KIF26A: variants seen among roughly 807,000 people sequenced by gnomAD.
KIF26A encodes kinesin family member 26A, also known as kinesin-like protein KIF26A.
In KIF26A, 74 loss-of-function variants were observed where a neutral mutation model predicts 126.0. The observed-to-expected ratio is 0.59, with a 90% CI of 0.49 to 0.71. KIF26A has a LOEUF of 0.71. KIF26A is among the 30% of genes least tolerant of loss of function. KIF26A has a pLI of 0.00. For missense variants in KIF26A, 2,984 were observed against 2,763.3 expected, an observed-to-expected ratio of 1.08 and a Z score of -1.79; for synonymous variants, 1,445 against 1,232.7, an observed-to-expected ratio of 1.17 and a Z score of -3.61.
intron 2 of KIF26A, among the ~76,000 whole-genome samples, chr14:104,141,128 C>T (rs1469919595): frequency 1.3e-5 from 2 of 152,232 alleles, no homozygotes; most frequent in Non-Finnish European, 2.9e-5. Context: ...GCCTGCAGCC[C>T]TGGCCTGGCC....
chr14:104,143,440 C>T (rs2037654598), intron 2 of KIF26A, among the ~76,000 whole-genome samples: 1 of 152,198 alleles, frequency 6.6e-6, no homozygotes, highest in African/African-American at 2.4e-5. Context: ...CCTGTTGCCT[C>T]TCTGGTTTGA....
intron 2 of KIF26A, among the ~76,000 whole-genome samples, chr14:104,146,280 C>T (rs2037680070): frequency 6.6e-6 from 1 of 152,122 alleles, no homozygotes; most frequent in Non-Finnish European, 1.5e-5. Context: ...GCCAGGGGCC[C>T]AGCTTGCCTG....
chr14:104,153,889 C>A (rs2037753676), intron 3 of KIF26A, among the ~76,000 whole-genome samples: 1 of 151,892 alleles, frequency 6.6e-6, no homozygotes, highest in Non-Finnish European at 1.5e-5. Context: ...AGGCCCCTTG[C>A]TGGGCAGCCC....
intron 4 of KIF26A, among the ~76,000 whole-genome samples, chr14:104,159,573 G>A (rs1040046903): frequency 6.6e-6 from 1 of 152,228 alleles, no homozygotes; most frequent in Non-Finnish European, 1.5e-5. Context: ...GGCCGGTGCC[G>A]CTTGCCAGCC....
intron 3 of KIF26A, among the ~76,000 whole-genome samples, 181 bp from the exon 4 acceptor site, chr14:104,157,574 C>T (rs530215740): frequency 2.8e-4 from 43 of 152,294 alleles, no homozygotes; most frequent in Admixed American, 1.0e-3. Flanking sequence ...CCACTGGCCT[C>T]TCTGCCAGCC....
At chr14:104,156,830 A>G (rs1422142507) in intron 3 of KIF26A, among the ~76,000 whole-genome samples, 1 of 152,210 alleles carries the variant, frequency 6.6e-6, no homozygotes, top group Non-Finnish European at 1.5e-5. Flanking sequence ...CGGGGACCCC[A>G]GTCCTCTGCT....
chr14:104,142,917 G>C (rs960014061), intron 2 of KIF26A, among the ~76,000 whole-genome samples: 8 of 152,116 alleles, frequency 5.3e-5, no homozygotes, highest in African/African-American at 1.9e-4. Context: ...CCGGCTATCC[G>C]CCCCTCAAAA....
intron 2 of KIF26A, among the ~76,000 whole-genome samples, chr14:104,142,337 T>C (rs2037645095): frequency 6.6e-6 from 1 of 151,602 alleles, no homozygotes; most frequent in Non-Finnish European, 1.5e-5. Flanking sequence ...CTCCTCACTG[T>C]GTCCCCACAC....
At position 104,139,301 on chromosome 14, in the gene KIF26A, TC is replaced by T; in HGVS notation, c.288+15del. 2 of 1,469,468 alleles carry T rather than the reference TC, an allele frequency of 1.4e-6. No individual in the cohort carries two copies. The highest frequency in any genetic ancestry group is 2.8e-5 in the South Asian group (2 of 72,702). The allele number at this position is 1,469,468 out of a possible 1,614,324, so 91.0% of individuals were successfully genotyped here. On this transcript the variant is annotated intron_variant, in intron 2 of 14. Coordinates refer to ENST00000423312, the MANE Select transcript of KIF26A (RefSeq NM_015656.2). ...GACCACCCTCCGGGTAAGTGACACTTCCTTAGGCCGACCCCTCCGAGCAGGG... is the reference window on the plus strand; with the variant it reads ...GACCACCCTCCGGGTAAGTGACACTTCTTAGGCCGACCCCTCCGAGCAGGG...
At chr14:104,169,758 G>T (rs891018218) in intron 5 of KIF26A, among the ~76,000 whole-genome samples, 6 of 152,228 alleles carry the variant, frequency 3.9e-5, no homozygotes, top group Non-Finnish European at 8.8e-5. Context: ...CCCTGCCTGG[G>T]CTACCTCTTC....
chr14:104,178,808 G>T (rs529333238), intron 13 of KIF26A, 53 bp downstream of exon 13: 3 of 1,064,018 alleles, frequency 2.8e-6, no homozygotes, highest in Non-Finnish European at 4.0e-6. Flanking sequence ...AGCCTGCCGC[G>T]GATGGCAGAG....
intron 3 of KIF26A, among the ~76,000 whole-genome samples, chr14:104,156,903 G>A (rs569010231): frequency 7.2e-5 from 11 of 152,282 alleles, no homozygotes; most frequent in Admixed American, 1.3e-4. Context: ...GCCGAATGAC[G>A]CTTGGCACCT....
rs1232588034 is a variant in KIF26A at position 104,174,215 on chromosome 14, G to A, written c.2098G>A (p.Ala700Thr). The A allele has an allele frequency of 6.9e-6, 11 of 1,584,268 alleles. No individual in the cohort carries two copies. In the Admixed American group the frequency reaches 1.4e-4, roughly 21 times the overall value. ...ATAGCRTTMI[A>T]HVSDAPAQHA... Reference sequence around the variant, plus strand: ...CGCTGGCTGCCGCACCACCATGATCGCCCACGTGTCGGATGCGCCAGCCCA... The same window carrying A: ...CGCTGGCTGCCGCACCACCATGATCACCCACGTGTCGGATGCGCCAGCCCA... Residue 700 changes from alanine to threonine, a missense_variant, in exon 11 of 15, where the codon GCC becomes ACC. Ala to Thr is a moderately conservative substitution (Grantham distance 58). Coordinates refer to ENST00000423312, the MANE Select transcript of KIF26A (RefSeq NM_015656.2).
Position 104,179,949 on chromosome 14 carries a change from C to T in KIF26A, c.*159C>T, listed in dbSNP as rs1419630201. On this transcript the variant is annotated 3_prime_UTR_variant, in exon 15 of 15. Transcript: ENST00000423312. Reference sequence around the variant, plus strand: ...GAGACGGAGTGTGGGGGAGGGAGGGCCGGCCACGCGGTGGACAGAGCGAGG... The same window carrying T: ...GAGACGGAGTGTGGGGGAGGGAGGGTCGGCCACGCGGTGGACAGAGCGAGG... 3.9e-6 allele frequency: 3 copies of T among 777,228 alleles called. No homozygotes were observed. Among genetic ancestry groups the T allele is most frequent in the Non-Finnish European group, 5.9e-6 (3 of 512,088 alleles). 48.1% of individuals were successfully genotyped at this position (777,228 alleles called of 1,614,324 possible). A position where few individuals can be genotyped will look rare whatever the true frequency, so the allele number is the denominator to read the frequency against.
At chr14:104,171,433 G>C (rs1009450596) in intron 5 of KIF26A, among the ~76,000 whole-genome samples, 1 of 152,114 alleles carries the variant, frequency 6.6e-6, no homozygotes, top group African/African-American at 2.4e-5. Flanking sequence ...CTCTTCTCAC[G>C]GAGGCGCCCG....
intron 2 of KIF26A, among the ~76,000 whole-genome samples, chr14:104,143,386 C>G (rs2037654037): frequency 6.6e-6 from 1 of 152,224 alleles, no homozygotes; most frequent in Non-Finnish European, 1.5e-5. Flanking sequence ...CTTGGCGAGT[C>G]CTGTTTCTCC....
At chr14:104,139,433 G>T in intron 2 of KIF26A, 145 bp downstream of exon 2, 1 of 1,101,168 alleles carries the variant, frequency 9.1e-7, no homozygotes, top group Non-Finnish European at 1.2e-6. Flanking sequence ...TCCCTTCTGC[G>T]GGCCTCAGTT....
At chr14:104,166,830 C>G in intron 4 of KIF26A, 29 bp from the exon 5 acceptor site, 1 of 1,523,058 alleles carries the variant, frequency 6.6e-7, no homozygotes, top group Non-Finnish European at 8.9e-7. Context: ...TCACCCACCA[C>G]TGATCCTGCC....
intron 3 of KIF26A, among the ~76,000 whole-genome samples, chr14:104,157,154 TC>T (rs981805075): frequency 5.3e-4 from 80 of 152,294 alleles, no homozygotes; most frequent in African/African-American, 1.3e-3. Flanking sequence ...TGCTGGGCTG[TC>T]CCGGGCGTTT....
Sources: allele counts gnomAD v4.1 joint callset (sites outside exome capture counted in the v4.1 genomes callset), GRCh38; gene constraint gnomAD v4.1.1; transcripts MANE v1.5; gene names NCBI Gene and HGNC (gene_info 2026-07-23, HGNC 2026-07-21).